ADGRL1: variants seen among roughly 807,000 people sequenced by gnomAD.
ADGRL1 encodes adhesion G protein-coupled receptor L1.
Under a neutral mutation model 148.9 loss-of-function variants are expected in ADGRL1, and 31 were observed. The observed-to-expected ratio is 0.21, with a 90% confidence interval of 0.16 to 0.28. The LOEUF is 0.28. ADGRL1 is among the 10% of genes least tolerant of loss of function. ADGRL1 has a pLI of 1.00. For missense variants in ADGRL1, 1,521 were observed against 2,058.8 expected (o/e 0.74, Z 5.05); for synonymous variants, 937 against 900.3 (o/e 1.04, Z -0.73).
At chr19:14,164,393 G>T (rs1180275638) in intron 4 of ADGRL1, among the ~76,000 whole-genome samples, 1 of 152,106 alleles carries the variant, frequency 6.6e-6, no homozygotes, top group African/African-American at 2.4e-5. Context: ...TCCTGGCTCC[G>T]TGGGAGGCTG....
At position 14,160,795 on chromosome 19, in the gene ADGRL1, G is replaced by C. The variant is rs543231020; in HGVS notation, c.1511-99C>G. ...AAGGAGATGACAGAGAGTGGGGGAC[G>C]AGCGGGCGAAGAGGGAGGTGAGGGA... On this transcript the variant is annotated intron_variant, in intron 6 of 22. Coordinates refer to ENST00000361434, the MANE Select transcript of ADGRL1 (RefSeq NM_014921.5). This position sits in a 1 kb window ranked among gnomAD's most constrained non-coding sequence, Gnocchi z 5.9. 4 of 746,364 alleles carry C rather than the reference G, an allele frequency of 5.4e-6. No individual in the cohort carries two copies. The highest frequency in any genetic ancestry group is 1.7e-5 in the African/African-American group (1 of 58,430). 46.2% of individuals were successfully genotyped at this position (746,364 alleles called of 1,614,324 possible).
rs1465418885 is a variant in ADGRL1 at position 14,183,607 on chromosome 19, G to A, written c.-5C>T. ...CACTGCGGCTAGGCGGGCCATGGTG[G>A]CAGCCGGGTGCGTGTCCGGAGCTCT... On this transcript the variant is annotated 5_prime_UTR_variant, in exon 2 of 23. Transcript: ENST00000361434. The A allele has an allele frequency of 6.4e-7, 1 of 1,569,018 alleles. No homozygotes were observed.
chr19:14,156,849 G>A, intron 15 of ADGRL1, 76 bp downstream of exon 15: 1 of 1,549,190 alleles, frequency 6.5e-7, no homozygotes, highest in Non-Finnish European at 8.8e-7. Context: ...CTACCGCCCT[G>A]AGGGTCCTGG....
At position 14,150,851 on chromosome 19, in the gene ADGRL1, G is replaced by A. The variant is rs773406093; in HGVS notation, c.*22C>T. 1.3e-5 allele frequency: 21 copies of A among 1,606,542 alleles called. No individual in the cohort carries two copies. The highest frequency in any genetic ancestry group is 5.1e-5 in the Admixed American group (3 of 59,048). ...GTTCCCTCCCTGGCCTGGGCCACCA[G>A]CCCCTGGTCCATGAGGTGCCCTCAG... On this transcript the variant is annotated 3_prime_UTR_variant, in exon 23 of 23. Transcript: ENST00000361434.
rs1312124442 is a variant in ADGRL1, at chr19:14,159,604, G to A, written c.1840-20C>T. 6.3e-6 allele frequency: 10 copies of A among 1,592,810 alleles called. No individual in the cohort carries two copies. The African/African-American group carries it at 1.1e-4, about 17-fold the overall frequency. On this transcript the variant is annotated intron_variant, in intron 9 of 22. Coordinates refer to ENST00000361434, the MANE Select transcript of ADGRL1 (RefSeq NM_014921.5). This position sits in a 1 kb window ranked among gnomAD's most constrained non-coding sequence, Gnocchi z 6.0. ...CACGGCCTGCACAGGCAGAGGGCAT[G>A]GTGCTGTGAGCCCCCCAACACCCTC... is the stretch of plus-strand genomic sequence containing the variant.
chr19:14,155,633 C>T lies in ADGRL1; in HGVS notation c.3126-106G>A. The stretch of plus-strand genomic sequence containing the variant: ...GGGGGCCCTTGGGTGGGCCTGGGCA[C>T]TGTCTGCAAAGCCCTGAGCGGGCCG... On this transcript the variant is annotated intron_variant, in intron 17 of 22. Transcript: ENST00000361434. The surrounding 1 kb of genome is among the most constrained non-coding windows in gnomAD (Gnocchi z 5.0). 8.3e-7 allele frequency: 1 copy of T among 1,208,232 alleles called. No individual in the cohort carries two copies. The highest frequency in any genetic ancestry group is 1.2e-6 in the Non-Finnish European group (1 of 858,264). The allele number at this position is 1,208,232 out of a possible 1,614,324, so 74.8% of individuals were successfully genotyped here. A position where few individuals can be genotyped will look rare whatever the true frequency, so the allele number is the denominator to read the frequency against.
rs773457563 is a variant in ADGRL1 at position 14,150,935 on chromosome 19, G to C, written c.4348C>G (p.Pro1450Ala). 14 of 1,611,038 alleles carry C rather than the reference G, an allele frequency of 8.7e-6. No homozygotes were observed. In the South Asian group the frequency reaches 1.5e-4, roughly 18 times the overall value. ...RPSHEGYLAAPGLEGPGPDGD... is the reference protein window; with the variant it reads ...RPSHEGYLAAAGLEGPGPDGD... The stretch of plus-strand genomic sequence containing the variant: ...TCGGGCCCTGGCCCCTCAAGGCCTG[G>C]GGCTGCCAGGTAGCCCTCGTGGCTA... The change falls in exon 23 of 23, where the codon CCA becomes GCA. Residue 1450 changes from proline (P) to alanine (A), a missense_variant. This residue lies in a region of ADGRL1 where 390 missense variants were observed against 375.0 expected (regional missense o/e 1.04). Transcript: ENST00000361434.
At chr19:14,158,130 A>G in intron 12 of ADGRL1, 78 bp from the exon 13 acceptor site, 1 of 1,468,564 alleles carries the variant, frequency 6.8e-7, no homozygotes, top group South Asian at 1.2e-5. Context: ...ACACCTGGCA[A>G]CAGGGATGGT....
chr19:14,156,238 G>T, intron 16 of ADGRL1, 37 bp from the exon 17 acceptor site: 1 of 1,487,924 alleles, frequency 6.7e-7, no homozygotes, highest in Non-Finnish European at 9.3e-7. Context: ...GGCTGAGAGT[G>T]GCCCTGCCTC....
At chr19:14,166,168 G>A (rs1445910829) in intron 4 of ADGRL1, among the ~76,000 whole-genome samples, 3 of 152,028 alleles carry the variant, frequency 2.0e-5, no homozygotes, top group African/African-American at 4.8e-5. Flanking sequence ...CTGCAGCTTT[G>A]CAAGTGTGAA....
At chr19:14,192,493 G>C (rs937761324) in intron 1 of ADGRL1, among the ~76,000 whole-genome samples, 1 of 151,504 alleles carries the variant, frequency 6.6e-6, no homozygotes, top group Non-Finnish European at 1.5e-5. Context: ...CACCTGCCTT[G>C]GTCTCCCAAA....
At chr19:14,167,966 T>G (rs114125540) in intron 4 of ADGRL1, among the ~76,000 whole-genome samples, 1 of 152,116 alleles carries the variant, frequency 6.6e-6, no homozygotes, top group Non-Finnish European at 1.5e-5. Context: ...GCGGTTAGAC[T>G]GTGCTCAGCT....
chr19:14,171,011 G>T, intron 3 of ADGRL1: 1 of 499,794 alleles, frequency 2.0e-6, no homozygotes, highest in South Asian at 2.1e-5. Context: ...GGAGGTGATT[G>T]GATCATGGGG....
chr19:14,166,935 G>C (rs976485260), intron 4 of ADGRL1: 1 of 1,403,310 alleles, frequency 7.1e-7, no homozygotes, highest in East Asian at 2.3e-5. Context: ...AGAAGGGGCC[G>C]GGGGAGGGCA....
chr19:14,204,234 C>G (rs1972807176), intron 1 of ADGRL1, among the ~76,000 whole-genome samples: 1 of 152,086 alleles, frequency 6.6e-6, no homozygotes, highest in Non-Finnish European at 1.5e-5. Flanking sequence ...CTGTTTTCAT[C>G]CTACTTTTAA....
In ADGRL1 at chr19:14,160,653, G is replaced by A; in HGVS notation, c.1554C>T (p.Asn518=). The change falls in exon 7 of 23, where the codon AAC becomes AAT. Residue 518 remains asparagine, a synonymous_variant. Transcript: ENST00000361434. This position sits in a 1 kb window ranked among gnomAD's most constrained non-coding sequence, Gnocchi z 5.9. ...FQCLPALGLW[N]PRGPDLSNCT... ...AGTTGCTGAGGTCAGGGCCCCGGGG[G>A]TTCCAGAGCCCCAAGGCTGGTAGAC... The A allele has an allele frequency of 1.2e-6, 2 of 1,613,174 alleles. No individual in the cohort carries two copies. The highest frequency in any genetic ancestry group is 1.1e-5 in the South Asian group (1 of 90,840).
chr19:14,163,233 C>T lies in ADGRL1; in HGVS notation c.568G>A (p.Asp190Asn), dbSNP rs765304593. 1 of 1,613,504 alleles carries T rather than the reference C, an allele frequency of 6.2e-7. No homozygotes were observed. Among genetic ancestry groups the T allele is most frequent in the Non-Finnish European group, 8.5e-7 (1 of 1,180,004 alleles). ...GTGGTGTGGCGGGCGGCCACGTAGT[C>T]CTCCCACGAGGCATACTCAGTCAGT... Reference protein sequence around the residue: ...DTLTEYASWEDYVAARHTTTY... With the variant: ...DTLTEYASWENYVAARHTTTY... The change falls in exon 5 of 23, where the codon GAC becomes AAC. Residue 190 changes from aspartate (D) to asparagine (N), a missense_variant. Transcript: ENST00000361434.
Position 14,149,751 on chromosome 19 carries a change from T to C in ADGRL1, c.*1122A>G, listed in dbSNP as rs1381523838. ...CTAGATTTTGTTTTCTGTCTCTGGA[T>C]TGTAAAAAGCTGCTCTGGCGGCCCG... On this transcript the variant is annotated 3_prime_UTR_variant, in exon 23 of 23. Transcript: ENST00000361434. 6.6e-6 allele frequency: 1 copy of C among 152,438 alleles called. No homozygotes were observed. The highest frequency in any genetic ancestry group is 1.5e-5 in the Non-Finnish European group (1 of 68,008). 9.4% of individuals were successfully genotyped at this position (152,438 alleles called of 1,614,324 possible).
intron 3 of ADGRL1, chr19:14,171,058 G>A (rs946286388): frequency 1.1e-4 from 42 of 373,890 alleles, no homozygotes; most frequent in Non-Finnish European, 1.0e-4. Context: ...CATCCCCTCC[G>A]TGCTGTTGAG....
Sources: gnomAD v4.1 joint callset for allele counts (sites outside exome capture counted in the v4.1 genomes callset) on GRCh38, gnomAD v4.1.1 for gene constraint, gnomAD v4.1.1 regional missense constraint, Gnocchi (gnomAD v3.1) non-coding constraint, MANE v1.5 for transcripts, NCBI Gene and HGNC (gene_info 2026-07-23, HGNC 2026-07-21) for gene names.